Variants in USP34 observed in about 807,000 individuals in gnomAD.
USP34 encodes ubiquitin specific peptidase 34.
A neutral mutation model predicts 460.3 loss-of-function variants in USP34; 70 were observed. That is an observed-to-expected ratio of 0.15 (90% CI 0.13 to 0.19). USP34 has a LOEUF of 0.19. Among genes scored for constraint, USP34 ranks in the 10% least tolerant of loss-of-function variants. The pLI is 1.00. For synonymous variants in USP34, 1,647 were observed against 1,405.3 expected, an observed-to-expected ratio of 1.17 and a Z score of -3.85; for missense variants, 3,985 against 4,236.2, an observed-to-expected ratio of 0.94 and a Z score of 1.65.
At chr2:61,208,543 C>G (rs1418741069) in intron 70 of USP34, 1 of 154,500 alleles carries the variant, frequency 6.5e-6, no homozygotes. Context: ...CAATGGTAAC[C>G]TCAGTTTCTA....
chr2:61,371,046 T>C (rs1186700681), intron 8 of USP34, among the ~76,000 whole-genome samples: 2 of 152,166 alleles, frequency 1.3e-5, no homozygotes, highest in African/African-American at 4.8e-5. Flanking sequence ...CTATTGAAGA[T>C]TCAATAGATG....
At chr2:61,205,450 G>A (rs1490085533) in intron 72 of USP34, among the ~76,000 whole-genome samples, 2 of 152,086 alleles carry the variant, frequency 1.3e-5, no homozygotes, top group Non-Finnish European at 2.9e-5. Context: ...ATGACAGCCA[G>A]TTAGTTATCC....
intron 58 of USP34, among the ~76,000 whole-genome samples, chr2:61,230,317 G>A (rs1480506313): frequency 1.3e-5 from 2 of 152,172 alleles, no homozygotes; most frequent in Non-Finnish European, 2.9e-5. Flanking sequence ...CCTGAGGTCA[G>A]GAGTTCGAGA....
intron 10 of USP34, among the ~76,000 whole-genome samples, chr2:61,362,291 C>G (rs1303902965): frequency 6.6e-6 from 1 of 152,100 alleles, no homozygotes; most frequent in Non-Finnish European, 1.5e-5. Context: ...TGTTATGATC[C>G]ACAATCCCAC....
At chr2:61,449,825 T>G (rs1179361141) in intron 1 of USP34, among the ~76,000 whole-genome samples, 1 of 152,126 alleles carries the variant, frequency 6.6e-6, no homozygotes, top group East Asian at 1.9e-4. Context: ...CCCAGCACTT[T>G]GGGAGGCTGA....
intron 20 of USP34, among the ~76,000 whole-genome samples, chr2:61,327,965 T>C (rs546103266): frequency 4.6e-5 from 7 of 152,324 alleles, no homozygotes; most frequent in Admixed American, 4.6e-4. Flanking sequence ...AGATATTCTC[T>C]AGAGGGCACT....
At chr2:61,313,059 T>C (rs1254905717) in intron 25 of USP34, among the ~76,000 whole-genome samples, 2 of 152,086 alleles carry the variant, frequency 1.3e-5, no homozygotes, top group Non-Finnish European at 2.9e-5. Context: ...AAATTTTGCA[T>C]GAAAAATACC....
chr2:61,468,909 T>G (rs1695864385), intron 1 of USP34, among the ~76,000 whole-genome samples: 1 of 152,150 alleles, frequency 6.6e-6, no homozygotes, highest in African/African-American at 2.4e-5. Flanking sequence ...TTTTCCAAGT[T>G]TAAGATATTT....
chr2:61,416,141 A>G (rs1163263214), intron 2 of USP34, among the ~76,000 whole-genome samples: 1 of 152,234 alleles, frequency 6.6e-6, no homozygotes, highest in Non-Finnish European at 1.5e-5. Context: ...TAATTTATGA[A>G]AAGAACTACT....
chr2:61,280,044 G>A (rs1390973832), intron 39 of USP34, among the ~76,000 whole-genome samples, 200 bp downstream of exon 39: 2 of 152,114 alleles, frequency 1.3e-5, no homozygotes, highest in Admixed American at 6.5e-5. Context: ...AGATGAAGAC[G>A]TTTCAACTAA....
intron 34 of USP34, among the ~76,000 whole-genome samples, chr2:61,285,486 CAA>C (rs35055379): frequency 0.37 from 39,816 of 108,136 alleles, 5,716 homozygotes; most frequent in Non-Finnish European, 0.4. Flanking sequence ...GAATCTGTCT[CAA>C]AAAAAAAAAA....
At chr2:61,386,517 A>C (rs1287975313) in intron 5 of USP34, among the ~76,000 whole-genome samples, 1 of 152,156 alleles carries the variant, frequency 6.6e-6, no homozygotes, top group Non-Finnish European at 1.5e-5. Flanking sequence ...TTGGCCGGGC[A>C]CGGTGGCTCA....
chr2:61,245,332 G>GT, intron 50 of USP34, 44 bp from the exon 51 acceptor site: 1 of 1,114,280 alleles, frequency 9.0e-7, no homozygotes, highest in Non-Finnish European at 1.3e-6. Flanking sequence ...CATATAATGA[G>GT]TATCTTCATA....
chr2:61,427,184 C>A (rs543377584), intron 1 of USP34, among the ~76,000 whole-genome samples: 1 of 152,158 alleles, frequency 6.6e-6, no homozygotes, highest in African/African-American at 2.4e-5. Context: ...CCCGCCACCA[C>A]GCCCGGCTAA....
intron 15 of USP34, among the ~76,000 whole-genome samples, chr2:61,344,261 T>C (rs571156217): frequency 1.3e-5 from 2 of 152,176 alleles, no homozygotes; most frequent in African/African-American, 4.8e-5. Flanking sequence ...AGACACCTCA[T>C]TAAAACAAAT....
At chr2:61,304,193 G>A (rs1690330759) in intron 27 of USP34, among the ~76,000 whole-genome samples, 1 of 152,134 alleles carries the variant, frequency 6.6e-6, no homozygotes, top group Non-Finnish European at 1.5e-5. Flanking sequence ...ACCACGCCTG[G>A]CAATATTTTG....
At chr2:61,454,537 G>C (rs963033928) in intron 1 of USP34, among the ~76,000 whole-genome samples, 6 of 151,866 alleles carry the variant, frequency 4.0e-5, no homozygotes, top group Non-Finnish European at 7.4e-5. Context: ...ACAGGTCCCT[G>C]GTGACTGTGT....
At chr2:61,341,241 T>C (rs570723008) in intron 16 of USP34, among the ~76,000 whole-genome samples, 76 of 152,338 alleles carry the variant, frequency 5.0e-4, no homozygotes, top group Middle Eastern at 3.4e-3. Flanking sequence ...TTGGAAGGCC[T>C]TCTGAATAAA....
intron 19 of USP34, among the ~76,000 whole-genome samples, chr2:61,331,677 A>AT (rs1453741093): frequency 6.6e-6 from 1 of 152,038 alleles, no homozygotes; most frequent in Non-Finnish European, 1.5e-5. Flanking sequence ...AGAATATACT[A>AT]TGTGCTTTGG....
Sources: gnomAD v4.1 joint callset for allele counts (sites outside exome capture counted in the v4.1 genomes callset) on GRCh38, gnomAD v4.1.1 for gene constraint, MANE v1.5 for transcripts, NCBI Gene and HGNC (gene_info 2026-07-23, HGNC 2026-07-21) for gene names.